The following DNM1L variants were observed in gnomAD, a reference collection of about 807,000 sequenced individuals.
DNM1L encodes dynamin-1-like protein.
In DNM1L, 33 loss-of-function variants were observed where a neutral mutation model predicts 92.8. That is an observed-to-expected ratio of 0.36 (90% CI 0.27 to 0.48). DNM1L has a LOEUF of 0.48. Ranked by LOEUF, DNM1L falls within the 20% of genes least tolerant of loss-of-function variation. The pLI, the probability that DNM1L is intolerant of heterozygous loss-of-function variation, is 0.99. For synonymous variants in DNM1L, 284 were observed against 305.0 expected (o/e 0.93, Z 0.72); for missense variants, 485 against 888.8 (o/e 0.55, Z 5.78).
At chr12:32,685,438 G>GC (rs1951970642) in intron 1 of DNM1L, among the ~76,000 whole-genome samples, 1 of 138,006 alleles carries the variant, frequency 7.2e-6, no homozygotes, top group Non-Finnish European at 1.5e-5. Flanking sequence ...TTGGCTTACC[G>GC]CAACCTCTGC....
At chr12:32,711,616 T>C (rs1345929756) in intron 5 of DNM1L, among the ~76,000 whole-genome samples, 1 of 152,022 alleles carries the variant, frequency 6.6e-6, no homozygotes, top group Non-Finnish European at 1.5e-5. Context: ...CCATCTCTGT[T>C]TGGTGCAGTG....
chr12:32,741,026 T>C (rs1955248399), intron 18 of DNM1L, among the ~76,000 whole-genome samples: 2 of 152,232 alleles, frequency 1.3e-5, no homozygotes, highest in African/African-American at 2.4e-5. Flanking sequence ...CATTTAGTTG[T>C]GTGAAGTGAT....
At chr12:32,685,614 C>T (rs996305678) in intron 1 of DNM1L, among the ~76,000 whole-genome samples, 14 of 151,994 alleles carry the variant, frequency 9.2e-5, no homozygotes, top group African/African-American at 2.9e-4. Context: ...CCACCCACCT[C>T]GGCCTCCCAA....
At chr12:32,707,691 A>G (rs913630265) in intron 3 of DNM1L, among the ~76,000 whole-genome samples, 1 of 152,144 alleles carries the variant, frequency 6.6e-6, no homozygotes, top group Non-Finnish European at 1.5e-5. Flanking sequence ...GGCTAATGCA[A>G]GTAATCCCAG....
chr12:32,722,743 A>G, intron 9 of DNM1L, 110 bp downstream of exon 9: 1 of 820,128 alleles, frequency 1.2e-6, no homozygotes, highest in South Asian at 1.6e-5. Context: ...ATTTTCTATA[A>G]AACAAAAATA....
intron 6 of DNM1L, among the ~76,000 whole-genome samples, chr12:32,715,698 T>TA (rs1953332970): frequency 6.6e-6 from 1 of 152,040 alleles, no homozygotes; most frequent in Non-Finnish European, 1.5e-5. Flanking sequence ...TGCCACTGCA[T>TA]TTCAGCCTGG....
chr12:32,710,877 T>C lies in DNM1L; in HGVS notation c.370-52T>C, dbSNP rs375385834. ...ATGTCTATGTACTTGAAATGAAGTT[T>C]ATTACTTCATAGTTCATTGAAATTT... On this transcript the variant is annotated intron_variant, in intron 4 of 19. Coordinates refer to ENST00000549701, the MANE Select transcript of DNM1L (RefSeq NM_012062.5). The C allele has an allele frequency of 1.3e-4, 169 of 1,321,240 alleles. 1 individual carries two copies. The African/African-American group carries it at 2.1e-3, about 16-fold the overall frequency. The allele number at this position is 1,321,240 out of a possible 1,614,324, so 81.8% of individuals were successfully genotyped here.
chr12:32,688,644 ATTTC>A (rs1203950330), intron 1 of DNM1L, among the ~76,000 whole-genome samples: 3 of 152,068 alleles, frequency 2.0e-5, no homozygotes, highest in Non-Finnish European at 4.4e-5. Context: ...CAATGTGTGT[ATTTC>A]TTTGTGTTTA....
chr12:32,725,910 G>GTT (rs59243079), intron 9 of DNM1L, among the ~76,000 whole-genome samples: 11 of 141,696 alleles, frequency 7.8e-5, no homozygotes, highest in Non-Finnish European at 1.5e-4. Flanking sequence ...TGGCATGCCG[G>GTT]TTTTTTTTTT....
chr12:32,703,629 A>AAAAGAAAT (rs1952803256), intron 2 of DNM1L, among the ~76,000 whole-genome samples: 1 of 151,864 alleles, frequency 6.6e-6, no homozygotes, highest in Non-Finnish European at 1.5e-5. Context: ...AAAAAAAAAA[A>AAAAGAAAT]AAAGAAATCA....
At chr12:32,728,895 T>A (rs1354506414) in intron 9 of DNM1L, 6 of 151,754 alleles carry the variant, frequency 4.0e-5, no homozygotes, top group Admixed American at 3.9e-4. Context: ...GTGATTCTCC[T>A]GCCTCAGCCT....
chr12:32,711,528 C>T (rs192753258), intron 5 of DNM1L, among the ~76,000 whole-genome samples: 6 of 152,150 alleles, frequency 3.9e-5, no homozygotes, highest in East Asian at 3.9e-4. Context: ...CTTCCCCCAT[C>T]GCAATAAATG....
At chr12:32,734,115 T>C (rs1351392467) in intron 13 of DNM1L, among the ~76,000 whole-genome samples, 1 of 152,228 alleles carries the variant, frequency 6.6e-6, no homozygotes, top group African/African-American at 2.4e-5. Flanking sequence ...ACAAAGTATT[T>C]AAAATTCTTT....
At chr12:32,733,554 GC>G (rs1459608995) in intron 12 of DNM1L, 160 bp from the exon 13 acceptor site, 34 of 637,938 alleles carry the variant, frequency 5.3e-5, no homozygotes, top group Non-Finnish European at 5.5e-6. Flanking sequence ...TTATTGTTTG[GC>G]ATAAGATTTA....
At chr12:32,706,006 G>T in intron 2 of DNM1L, 4 of 689,558 alleles carry the variant, frequency 5.8e-6, no homozygotes, top group South Asian at 7.1e-5. Flanking sequence ...AGTGGTTCTT[G>T]TTATTTTTTT....
chr12:32,735,056 T>G (rs1435418282), intron 13 of DNM1L, among the ~76,000 whole-genome samples: 1 of 152,212 alleles, frequency 6.6e-6, no homozygotes, highest in Non-Finnish European at 1.5e-5. Context: ...ATGTAGACAC[T>G]TAAAGGATTT....
rs879255687 is a variant in DNM1L at position 32,708,199 on chromosome 12, CAG to C, written c.346_347del (p.Glu116LysfsTer6). The C allele has an allele frequency of 2.4e-5, 39 of 1,603,318 alleles. No homozygotes were observed. Among genetic ancestry groups the C allele is most frequent in the African/African-American group, 5.4e-5 (4 of 74,554 alleles). On this transcript the variant is annotated frameshift_variant, in exon 4 of 20. Coordinates refer to ENST00000549701, the MANE Select transcript of DNM1L (RefSeq NM_012062.5). LOFTEE classifies it high-confidence loss of function. ...ATTCGACAAGAAATTGAAAATGAAA[CAG>C]AAAGAATTTCAGGAAATAATAAGGT...
intron 1 of DNM1L, among the ~76,000 whole-genome samples, chr12:32,700,704 CCACTGCACT>C (rs1827979102): frequency 6.6e-6 from 1 of 152,016 alleles, no homozygotes; most frequent in Non-Finnish European, 1.5e-5. Flanking sequence ...TGTGATCACA[CCACTGCACT>C]CTAGCCTGGG....
intron 16 of DNM1L, among the ~76,000 whole-genome samples, chr12:32,739,400 T>C (rs1217266735): frequency 6.6e-6 from 1 of 152,224 alleles, no homozygotes; most frequent in African/African-American, 2.4e-5. Flanking sequence ...TGATTAATGG[T>C]AGCACTAGAT....
Sources: allele counts gnomAD v4.1 joint callset (sites outside exome capture counted in the v4.1 genomes callset), GRCh38; gene constraint gnomAD v4.1.1; transcripts MANE v1.5; gene names NCBI Gene and HGNC (gene_info 2026-07-23, HGNC 2026-07-21).